WDR41: variants seen among roughly 807,000 people sequenced by gnomAD.
WDR41 encodes WD repeat domain 41.
In WDR41, 63 loss-of-function variants were observed where a neutral mutation model predicts 69.3. The observed-to-expected ratio is 0.91, with a 90% confidence interval of 0.74 to 1.12. The LOEUF is 1.12. Ranked by LOEUF, WDR41 falls within the 50% of genes most tolerant of loss-of-function variation. WDR41 has a pLI of 0.00. For synonymous variants in WDR41, 185 were observed against 192.1 expected (o/e 0.96, Z 0.31); for missense variants, 543 against 534.5 (o/e 1.02, Z -0.16).
chr5:77,565,890 T>A (rs1484161727), intron 1 of WDR41, among the ~76,000 whole-genome samples: 1 of 152,156 alleles, frequency 6.6e-6, no homozygotes, highest in Non-Finnish European at 1.5e-5. Context: ...CCTGATAACA[T>A]CTGAAGGTGT....
chr5:77,579,559 A>G (rs563011053), intron 1 of WDR41, among the ~76,000 whole-genome samples: 2 of 152,354 alleles, frequency 1.3e-5, no homozygotes, highest in East Asian at 3.9e-4. Context: ...GTCAAACAAG[A>G]ATCCTATATA....
intron 1 of WDR41, among the ~76,000 whole-genome samples, chr5:77,560,846 AG>A (rs1165852791): frequency 3.3e-5 from 5 of 152,142 alleles, no homozygotes; most frequent in African/African-American, 1.2e-4. Context: ...TGGATTTGAT[AG>A]GGTTCACCAG....
chr5:77,451,327 T>C lies in WDR41; in HGVS notation c.550A>G (p.Lys184Glu), dbSNP rs775135984. 5.0e-6 allele frequency: 8 copies of C among 1,613,754 alleles called. No homozygotes were observed. Among genetic ancestry groups the C allele is most frequent in the Admixed American group, 1.7e-5 (1 of 60,020 alleles). The change falls in exon 7 of 13, where the codon AAG becomes GAG. Residue 184 changes from lysine to glutamate, a missense_variant. Coordinates refer to ENST00000296679, the MANE Select transcript of WDR41 (RefSeq NM_018268.4). ...TGISALVEIP[K>E]NCVVAAVGKE... is the part of the protein sequence containing the mutation. ...CCAACTGCTGCCACAACACAGTTCT[T>C]AGGTATTTCAACCAAAGCACTAATA... is the stretch of plus-strand genomic sequence containing the variant.
intron 1 of WDR41, among the ~76,000 whole-genome samples, chr5:77,562,141 C>T (rs1743539048): frequency 6.6e-6 from 1 of 152,160 alleles, no homozygotes; most frequent in African/African-American, 2.4e-5. Context: ...AGATCCCTGG[C>T]TGGCACTGAT....
intron 1 of WDR41, among the ~76,000 whole-genome samples, chr5:77,527,454 A>G (rs1049550738): frequency 2.6e-5 from 4 of 151,942 alleles, no homozygotes; most frequent in African/African-American, 7.2e-5. Flanking sequence ...AATAATGATA[A>G]ATTTGTAGGC....
At chr5:77,553,371 C>A (rs550386950) in intron 1 of WDR41, among the ~76,000 whole-genome samples, 23 of 152,048 alleles carry the variant, frequency 1.5e-4, no homozygotes, top group African/African-American at 5.3e-4. Context: ...ATGTAAAGGG[C>A]AAAAAGGGCC....
chr5:77,619,109 A>G (rs887580184), intron 1 of WDR41, among the ~76,000 whole-genome samples: 3 of 152,212 alleles, frequency 2.0e-5, no homozygotes, highest in Non-Finnish European at 4.4e-5. Flanking sequence ...TTTTACATAT[A>G]ACTGCTTCAT....
At chr5:77,554,106 G>C (rs1220596028) in intron 1 of WDR41, among the ~76,000 whole-genome samples, 1 of 152,196 alleles carries the variant, frequency 6.6e-6, no homozygotes, top group African/African-American at 2.4e-5. Flanking sequence ...TAAATAGTCG[G>C]TTGATACATA....
chr5:77,588,464 TAAGATA>T (rs981468338), intron 1 of WDR41, among the ~76,000 whole-genome samples: 8 of 152,320 alleles, frequency 5.3e-5, no homozygotes, highest in Admixed American at 2.6e-4. Context: ...GTGTGTAACA[TAAGATA>T]AAGATAAAGA....
intron 1 of WDR41, among the ~76,000 whole-genome samples, chr5:77,561,907 T>A (rs1483542090): frequency 1.3e-5 from 2 of 152,220 alleles, no homozygotes; most frequent in Non-Finnish European, 2.9e-5. Flanking sequence ...TTATATTTTG[T>A]TTATAAATGT....
intron 1 of WDR41, chr5:77,491,053 G>A: frequency 4.0e-6 from 1 of 251,062 alleles, no homozygotes; most frequent in Non-Finnish European, 8.3e-6. Flanking sequence ...CATCCCCGGT[G>A]ACTTGCACAT....
At chr5:77,574,464 GT>G (rs1743791502) in intron 1 of WDR41, among the ~76,000 whole-genome samples, 1 of 152,122 alleles carries the variant, frequency 6.6e-6, no homozygotes, top group Non-Finnish European at 1.5e-5. Context: ...CATTATAAGT[GT>G]TCTGTGTGAG....
At chr5:77,601,961 G>A (rs969142102) in intron 1 of WDR41, among the ~76,000 whole-genome samples, 3 of 152,086 alleles carry the variant, frequency 2.0e-5, no homozygotes, top group Admixed American at 6.6e-5. Flanking sequence ...TATGTTCTGG[G>A]AACATTTCAA....
rs548194915 is a variant in WDR41 at position 77,468,968 on chromosome 5, A to G, written c.168-4159T>C. On this transcript the variant is annotated intron_variant, in intron 2 of 12. Coordinates refer to ENST00000296679, the MANE Select transcript of WDR41 (RefSeq NM_018268.4). ...TTTCTTCCTTGCAATCTTTTTGTTG[A>G]AAAAAGTTGTCTCTCTTCAACCCAA... Among the ~76,000 whole-genome samples the G allele has an allele frequency of 5.5e-4, 84 of 152,112 alleles. No homozygotes were observed. In the South Asian group the frequency reaches 0.017, roughly 30 times the overall value.
At chr5:77,546,907 C>T (rs1743209973) in intron 1 of WDR41, among the ~76,000 whole-genome samples, 1 of 152,046 alleles carries the variant, frequency 6.6e-6, no homozygotes, top group African/African-American at 2.4e-5. Context: ...AACAAAATAT[C>T]AAAAAGATAA....
At chr5:77,504,608 C>T (rs866558514) in intron 1 of WDR41, among the ~76,000 whole-genome samples, 159 of 152,204 alleles carry the variant, frequency 1.0e-3, no homozygotes, top group Middle Eastern at 6.8e-3. Context: ...TGACGAACAT[C>T]GATGCAAAAA....
chr5:77,486,181 TTTTC>T (rs1801514351), intron 2 of WDR41, among the ~76,000 whole-genome samples: 2 of 152,228 alleles, frequency 1.3e-5, no homozygotes, highest in African/African-American at 2.4e-5. Flanking sequence ...CTCTTTCGGT[TTTTC>T]TTTTTTAGTA....
chr5:77,519,160 T>C (rs946287601), intron 1 of WDR41, among the ~76,000 whole-genome samples: 5 of 152,088 alleles, frequency 3.3e-5, no homozygotes, highest in Middle Eastern at 3.2e-3. Flanking sequence ...AGGAAAATAA[T>C]TATTTATTAG....
chr5:77,452,079 A>G (rs1581708295), intron 6 of WDR41: 2 of 151,906 alleles, frequency 1.3e-5, no homozygotes, highest in African/African-American at 4.8e-5. Context: ...ATATATATGC[A>G]AGTGTAGAAA....
Sources: gnomAD v4.1 joint callset for allele counts (sites outside exome capture counted in the v4.1 genomes callset) on GRCh38, gnomAD v4.1.1 for gene constraint, MANE v1.5 for transcripts, NCBI Gene and HGNC (gene_info 2026-07-23, HGNC 2026-07-21) for gene names.